NDST1: variants seen among roughly 807,000 people sequenced by gnomAD.
The protein encoded by NDST1 is N-deacetylase and N-sulfotransferase 1, also known as bifunctional heparan sulfate N-deacetylase/N-sulfotransferase 1.
Under a neutral mutation model 92.8 loss-of-function variants are expected in NDST1, and 35 were observed. The ratio of observed to expected loss-of-function variants is 0.38; its 90% confidence interval spans 0.29 to 0.50. The LOEUF (loss-of-function observed/expected upper bound fraction) is 0.50, where lower values mean the gene tolerates loss of function less well. Among genes scored for constraint, NDST1 ranks in the 20% least tolerant of loss-of-function variants. The probability of loss-of-function intolerance (pLI) is 0.94; values close to 1 mark genes in which losing one functional copy is unlikely to be tolerated. For missense variants in NDST1, 822 were observed against 1,182.7 expected, an observed-to-expected ratio of 0.69 and a Z score of 4.47; for synonymous variants, 493 against 500.3, an observed-to-expected ratio of 0.99 and a Z score of 0.19.
intron 1 of NDST1, among the ~76,000 whole-genome samples, chr5:150,510,026 A>G (rs953268363): frequency 2.6e-4 from 38 of 145,940 alleles, no homozygotes; most frequent in Non-Finnish European, 3.2e-4. Context: ...GTGGTGTGGA[A>G]AGTAGGACTG....
intron 1 of NDST1, among the ~76,000 whole-genome samples, chr5:150,511,010 G>A (rs1753696559): frequency 6.6e-6 from 1 of 152,242 alleles, no homozygotes; most frequent in Admixed American, 6.5e-5. Context: ...AGGCTCTGGA[G>A]CCCAGCAGCT....
At chr5:150,519,376 C>G (rs996865412) in intron 1 of NDST1, among the ~76,000 whole-genome samples, 1 of 151,282 alleles carries the variant, frequency 6.6e-6, no homozygotes, top group Non-Finnish European at 1.5e-5. Flanking sequence ...TAGACCTGGG[C>G]AACTCTCCTT....
At chr5:150,498,332 T>C (rs1320279898) in intron 1 of NDST1, 1 of 152,256 alleles carries the variant, frequency 6.6e-6, no homozygotes, top group Non-Finnish European at 1.5e-5. Flanking sequence ...AGTTAATGTT[T>C]GTAAAGGACT....
intron 10 of NDST1, among the ~76,000 whole-genome samples, chr5:150,544,004 T>C (rs1325910778): frequency 6.6e-6 from 1 of 152,208 alleles, no homozygotes; most frequent in Non-Finnish European, 1.5e-5. Flanking sequence ...GGTCTTGAAC[T>C]CCTGACCTCG....
chr5:150,532,906 CT>C (rs1333648900), intron 3 of NDST1, 38 bp from the exon 4 acceptor site: 2 of 1,577,068 alleles, frequency 1.3e-6, no homozygotes, highest in Non-Finnish European at 1.7e-6. Context: ...GAGCTCCTGG[CT>C]TTCCCTCACT....
chr5:150,540,349 G>A, intron 8 of NDST1, 85 bp downstream of exon 8: 1 of 1,412,324 alleles, frequency 7.1e-7, no homozygotes, highest in Non-Finnish European at 9.6e-7. Flanking sequence ...TGGACTCAAG[G>A]CTCAGCCATC....
chr5:150,553,206 G>T lies in NDST1; in HGVS notation c.2530-7G>T. The T allele has an allele frequency of 1.2e-6, 2 of 1,612,132 alleles. No individual in the cohort carries two copies. The highest frequency in any genetic ancestry group is 2.2e-5 in the South Asian group (2 of 91,030). ...ACACAAGGTCTGAGCTTTCCTTCCC[G>T]TTACAGTCCCGAGCCTTCCTGAAGG... On this transcript the variant is annotated splice_region_variant and splice_polypyrimidine_tract_variant and intron_variant, in intron 14 of 14. Coordinates refer to ENST00000261797, the MANE Select transcript of NDST1 (RefSeq NM_001543.5). The surrounding 1 kb of genome is among the most constrained non-coding windows in gnomAD (Gnocchi z 4.2).
intron 2 of NDST1, among the ~76,000 whole-genome samples, chr5:150,525,570 G>A (rs1473044751): frequency 2.0e-5 from 3 of 152,210 alleles, no homozygotes. Context: ...AGCACCCCAG[G>A]CTGGCTCAGG....
Position 150,521,588 on chromosome 5 carries a change from C to A in NDST1, c.334C>A (p.Arg112Ser). 6.2e-7 allele frequency: 1 copy of A among 1,614,034 alleles called. No homozygotes were observed. The highest frequency in any genetic ancestry group is 2.2e-5 in the East Asian group (1 of 44,878). Reference sequence around the variant, plus strand: ...CCTGGAGTCCAGCCGCTTCAAATACCGCACAGAGATTGCGCCGGGCAAGGG... The same window carrying A: ...CCTGGAGTCCAGCCGCTTCAAATACAGCACAGAGATTGCGCCGGGCAAGGG... ...AILESSRFKY[R>S]TEIAPGKGDM... Residue 112 changes from arginine to serine, a missense_variant, in exon 2 of 15, where the codon CGC becomes AGC. By Grantham distance (110) the Arg-to-Ser change is moderately radical. Coordinates refer to ENST00000261797, the MANE Select transcript of NDST1 (RefSeq NM_001543.5). This position sits in a 1 kb window ranked among gnomAD's most constrained non-coding sequence, Gnocchi z 5.9.
intron 11 of NDST1, among the ~76,000 whole-genome samples, chr5:150,546,652 GTTCCCAC>G (rs1447350562): frequency 6.6e-6 from 1 of 152,246 alleles, no homozygotes; most frequent in Non-Finnish European, 1.5e-5. Context: ...CACTGTCATA[GTTCCCAC>G]CCTGCTTTGA....
At chr5:150,528,396 C>G (rs1037616458) in intron 3 of NDST1, 98 bp downstream of exon 3, 1 of 1,359,494 alleles carries the variant, frequency 7.4e-7, no homozygotes, top group Non-Finnish European at 1.0e-6. Context: ...TGCATCTCCC[C>G]TATGCTGGGA....
chr5:150,535,715 A>G lies in NDST1; in HGVS notation c.1267A>G (p.Thr423Ala), dbSNP rs1382191228. 2 of 1,613,992 alleles carry G rather than the reference A, an allele frequency of 1.2e-6. No homozygotes were observed. Among genetic ancestry groups the G allele is most frequent in the African/African-American group, 2.7e-5 (2 of 74,900 alleles). Reference sequence around the variant, plus strand: ...CTCTCCCTAGGAGCATGGCATTCCCACAGACATGGGGTATGCAGTGGCGCC... The same window carrying G: ...CTCTCCCTAGGAGCATGGCATTCCCGCAGACATGGGGTATGCAGTGGCGCC... ...KKFAVEHGIP[T>A]DMGYAVAPHH... Residue 423 changes from threonine (T) to alanine (A), a missense_variant, in exon 6 of 15, where the codon ACA becomes GCA. Thr to Ala is a moderately conservative substitution (Grantham distance 58). Coordinates refer to ENST00000261797, the MANE Select transcript of NDST1 (RefSeq NM_001543.5).
intron 1 of NDST1, among the ~76,000 whole-genome samples, chr5:150,501,280 A>G (rs3846708): frequency 0.029 from 4,417 of 152,206 alleles, 392 homozygotes; most frequent in Admixed American, 0.16. Flanking sequence ...TGCTGGGAGC[A>G]TGGGGTAGGC....
chr5:150,548,490 T>C (rs1227983483), intron 12 of NDST1, 102 bp downstream of exon 12: 4 of 1,301,830 alleles, frequency 3.1e-6, no homozygotes, highest in Non-Finnish European at 4.3e-6. Context: ...GGGACAGATA[T>C]GCCCTCCTTG....
intron 11 of NDST1, 108 bp downstream of exon 11, chr5:150,545,594 C>T (rs999771023): frequency 1.0e-5 from 14 of 1,395,566 alleles, no homozygotes; most frequent in Non-Finnish European, 9.9e-6. Context: ...TACTGTGTGC[C>T]AGCCCTGAGC....
intron 6 of NDST1, among the ~76,000 whole-genome samples, chr5:150,536,690 C>T (rs1370207895): frequency 6.6e-6 from 1 of 152,006 alleles, no homozygotes; most frequent in East Asian, 1.9e-4. Context: ...TTCAGCCTCC[C>T]GAGTAGCTGG....
In NDST1 at chr5:150,539,389, G is replaced by C. The variant is rs370934149; in HGVS notation, c.1566+33G>C. 5.0e-6 allele frequency: 8 copies of C among 1,613,338 alleles called. No homozygotes were observed. In the African/African-American group the frequency reaches 8.0e-5, roughly 16 times the overall value. ...CTCCACAGCCCATGGCTGCTGGTGA[G>C]AAGGGGCTGCTGCACAGCCTGTCTG... On this transcript the variant is annotated intron_variant, in intron 7 of 14. Transcript: ENST00000261797.
intron 2 of NDST1, among the ~76,000 whole-genome samples, chr5:150,527,161 G>C (rs928369618): frequency 6.6e-6 from 1 of 152,210 alleles, no homozygotes; most frequent in African/African-American, 2.4e-5. Context: ...GCTAGGGCTC[G>C]ACCTCTTGGC....
At chr5:150,506,719 C>T (rs960829874), upstream of NDST1, among the ~76,000 whole-genome samples, 2 of 151,988 alleles carry the variant, frequency 1.3e-5, no homozygotes, top group Non-Finnish European at 2.9e-5. Flanking sequence ...CTGCCAGCTG[C>T]GCCTCCATGT....
Sources: gnomAD v4.1 joint callset for allele counts (sites outside exome capture counted in the v4.1 genomes callset) on GRCh38, gnomAD v4.1.1 for gene constraint, Gnocchi (gnomAD v3.1) non-coding constraint, MANE v1.5 for transcripts, NCBI Gene and HGNC (gene_info 2026-07-23, HGNC 2026-07-21) for gene names.